The following ABCC1 variants were observed in gnomAD, a reference collection of about 807,000 sequenced individuals.
The protein encoded by ABCC1 is ATP binding cassette subfamily C member 1 (ABCC1 blood group), also known as multidrug resistance-associated protein 1.
A neutral mutation model predicts 172.9 loss-of-function variants in ABCC1; 83 were observed. The observed-to-expected ratio is 0.48, with a 90% CI of 0.40 to 0.58. The LOEUF (loss-of-function observed/expected upper bound fraction) is 0.58, where lower values mean the gene tolerates loss of function less well. ABCC1 is among the 20% of genes least tolerant of loss of function. The pLI is 0.00. For synonymous variants in ABCC1, 937 were observed against 825.2 expected (o/e 1.14, Z -2.32); for missense variants, 1,817 against 2,002.7 (o/e 0.91, Z 1.77).
At chr16:16,049,501 C>A (rs1161759799) in intron 10 of ABCC1, among the ~76,000 whole-genome samples, 4 of 152,138 alleles carry the variant, frequency 2.6e-5, no homozygotes, top group Admixed American at 2.6e-4. Flanking sequence ...GGATCTTTGC[C>A]ACGTACCTTT....
intron 17 of ABCC1, among the ~76,000 whole-genome samples, chr16:16,084,085 TTTTC>T (rs1264470874): frequency 2.6e-5 from 4 of 152,232 alleles, no homozygotes; most frequent in Middle Eastern, 3.4e-3. Context: ...TTTCTCTTTC[TTTTC>T]TTTCTTTCTT....
At chr16:15,958,306 A>G (rs975532333) in intron 1 of ABCC1, among the ~76,000 whole-genome samples, 3 of 151,656 alleles carry the variant, frequency 2.0e-5, no homozygotes, top group East Asian at 1.9e-4. Flanking sequence ...GGGTTTCTCC[A>G]TATTGGCCAG....
chr16:15,965,852 G>A (rs2046230693), intron 1 of ABCC1, among the ~76,000 whole-genome samples: 1 of 152,118 alleles, frequency 6.6e-6, no homozygotes, highest in South Asian at 2.1e-4. Flanking sequence ...CTCCCAACGT[G>A]CTGGGATTAC....
chr16:16,043,499 T>C (rs2049071851), intron 7 of ABCC1, among the ~76,000 whole-genome samples: 1 of 151,542 alleles, frequency 6.6e-6, no homozygotes, highest in Admixed American at 6.6e-5. Flanking sequence ...GGTTTCTCCA[T>C]GTTTGGTCAG....
intron 14 of ABCC1, 100 bp from the exon 15 acceptor site, chr16:16,076,226 A>T: frequency 8.5e-7 from 1 of 1,170,062 alleles, no homozygotes; most frequent in Non-Finnish European, 1.2e-6. Context: ...ATTCGTGCCA[A>T]GCGTCTGGGG....
intron 1 of ABCC1, among the ~76,000 whole-genome samples, chr16:15,975,625 C>T (rs2046471949): frequency 6.6e-6 from 1 of 151,542 alleles, no homozygotes. Flanking sequence ...GGTGGGGTCT[C>T]GGCTCACAGC....
chr16:15,983,354 G>A (rs1332231888), intron 1 of ABCC1, among the ~76,000 whole-genome samples: 3 of 152,098 alleles, frequency 2.0e-5, no homozygotes, highest in African/African-American at 7.3e-5. Context: ...CATCCTGAGA[G>A]CTCTGAGAAC....
intron 14 of ABCC1, 134 bp from the exon 15 acceptor site, chr16:16,076,192 C>T: frequency 1.2e-6 from 1 of 816,432 alleles, no homozygotes; most frequent in Non-Finnish European, 1.9e-6. Flanking sequence ...TGGCTGATGT[C>T]ACCAGATAAT....
chr16:15,973,996 T>G (rs997784957), intron 1 of ABCC1, among the ~76,000 whole-genome samples: 3 of 151,944 alleles, frequency 2.0e-5, no homozygotes, highest in Admixed American at 6.6e-5. Flanking sequence ...AAAAAAAGAA[T>G]GTGCATATGA....
chr16:15,990,525 A>G (rs1381570475), intron 1 of ABCC1, among the ~76,000 whole-genome samples: 4 of 151,882 alleles, frequency 2.6e-5, no homozygotes, highest in African/African-American at 9.7e-5. Context: ...CTCTGCTTCT[A>G]TGAGTTTGTC....
chr16:15,998,941 A>G (rs891438305), intron 1 of ABCC1, among the ~76,000 whole-genome samples: 7 of 152,150 alleles, frequency 4.6e-5, no homozygotes, highest in Admixed American at 3.9e-4. Context: ...TGTCCCATTG[A>G]ATCCTCTCCA....
intron 28 of ABCC1, among the ~76,000 whole-genome samples, chr16:16,136,097 C>T (rs1413324439): frequency 4.0e-5 from 6 of 151,312 alleles, no homozygotes; most frequent in Admixed American, 6.6e-5. Context: ...AATCTTGGCT[C>T]ACTGCAACTT....
Position 16,007,898 on chromosome 16 carries a change from TTTACC to T in ABCC1, c.133_137del (p.Tyr45LeufsTer15). ...ACGGTCCTCGTGTGGGTGCCTTGTT[TTTACC>T]TCTGGGCCTGTTTCCCCTTCTACTT... On this transcript the variant is annotated frameshift_variant, in exon 2 of 31. Coordinates refer to ENST00000399410, the MANE Select transcript of ABCC1 (RefSeq NM_004996.4). LOFTEE classifies it high-confidence loss of function. The T allele has an allele frequency of 6.2e-7, 1 of 1,613,636 alleles. No individual in the cohort carries two copies. Among genetic ancestry groups the T allele is most frequent in the Non-Finnish European group, 8.5e-7 (1 of 1,179,910 alleles).
chr16:16,092,657 C>G (rs1167929545), intron 19 of ABCC1, among the ~76,000 whole-genome samples: 1 of 152,164 alleles, frequency 6.6e-6, no homozygotes, highest in Non-Finnish European at 1.5e-5. Context: ...CTTTCTGACT[C>G]TTGTGAATAC....
chr16:16,110,101 T>G (rs972927541), intron 21 of ABCC1, among the ~76,000 whole-genome samples: 1 of 132,300 alleles, frequency 7.6e-6, no homozygotes, highest in African/African-American at 2.9e-5. Flanking sequence ...CTGGTTTAAC[T>G]CCTTTTTTTT....
intron 1 of ABCC1, among the ~76,000 whole-genome samples, chr16:15,970,543 G>A (rs2046343206): frequency 6.6e-6 from 1 of 152,216 alleles, no homozygotes; most frequent in Non-Finnish European, 1.5e-5. Context: ...CTGGGCAGTG[G>A]GAAATGCATG....
intron 23 of ABCC1, among the ~76,000 whole-genome samples, chr16:16,119,950 A>G (rs2045077708): frequency 6.6e-6 from 1 of 152,172 alleles, no homozygotes; most frequent in Non-Finnish European, 1.5e-5. Context: ...CAGCTGGAGA[A>G]GAAATTATAT....
At chr16:16,039,529 A>G (rs1263138325) in intron 7 of ABCC1, among the ~76,000 whole-genome samples, 2 of 151,938 alleles carry the variant, frequency 1.3e-5, no homozygotes, top group Non-Finnish European at 2.9e-5. Context: ...TTGGCCTCCC[A>G]AAGTGCTGGG....
At chr16:16,127,222 G>T (rs889784438) in intron 26 of ABCC1, among the ~76,000 whole-genome samples, 2 of 152,032 alleles carry the variant, frequency 1.3e-5, no homozygotes, top group Non-Finnish European at 2.9e-5. Flanking sequence ...TCTTTACCCC[G>T]CTCTATGACT....
Sources: gnomAD v4.1 joint callset for allele counts (sites outside exome capture counted in the v4.1 genomes callset) on GRCh38, gnomAD v4.1.1 for gene constraint, MANE v1.5 for transcripts, NCBI Gene and HGNC (gene_info 2026-07-23, HGNC 2026-07-21) for gene names.